Variants in SEMA6D observed in about 807,000 individuals in gnomAD.
SEMA6D encodes semaphorin 6D.
In SEMA6D, 35 loss-of-function variants were observed where a neutral mutation model predicts 106.6. The observed-to-expected ratio is 0.33, with a 90% CI of 0.25 to 0.44. SEMA6D has a LOEUF of 0.44. SEMA6D is among the 20% of genes least tolerant of loss of function. The pLI is 1.00. For missense variants in SEMA6D, 1,185 were observed against 1,345.9 expected, an observed-to-expected ratio of 0.88 and a Z score of 1.87; for synonymous variants, 499 against 487.7, an observed-to-expected ratio of 1.02 and a Z score of -0.31.
At chr15:47,604,651 CT>C (rs1284079881) in intron 4 of SEMA6D, among the ~76,000 whole-genome samples, 2 of 152,108 alleles carry the variant, frequency 1.3e-5, no homozygotes, top group Admixed American at 6.5e-5. Context: ...GATTCTTTCT[CT>C]TTTAAAACTC....
intron 18 of SEMA6D, 65 bp downstream of exon 18, chr15:47,768,813 A>C (rs1266284710): frequency 1.3e-6 from 2 of 1,481,550 alleles, no homozygotes; most frequent in Middle Eastern, 3.6e-4. Flanking sequence ...GTCACTGAGG[A>C]GTATGTGGTT....
chr15:47,503,933 C>A (rs760894398), intron 3 of SEMA6D, among the ~76,000 whole-genome samples: 5 of 152,150 alleles, frequency 3.3e-5, no homozygotes, highest in Non-Finnish European at 5.9e-5. Flanking sequence ...ATCCCACTCC[C>A]CTGACTAAGA....
intron 1 of SEMA6D, among the ~76,000 whole-genome samples, chr15:47,743,721 A>C (rs1243848553): frequency 6.6e-6 from 1 of 152,154 alleles, no homozygotes; most frequent in African/African-American, 2.4e-5. Context: ...CAGCACATCC[A>C]AAGGCAGAAA....
chr15:47,200,083 A>G (rs961919054), intron 1 of SEMA6D, among the ~76,000 whole-genome samples: 1 of 152,166 alleles, frequency 6.6e-6, no homozygotes, highest in African/African-American at 2.4e-5. Flanking sequence ...TATATACTCC[A>G]TATCACTACG....
chr15:47,411,172 T>C lies in SEMA6D; in HGVS notation c.-238-1221T>C, dbSNP rs577238493. ...GTGCAGTGGCACAGTCTCGGCTCAC[T>C]GCAACCTCGGTTTCCTGGGTTCAAG... On this transcript the variant is annotated intron_variant, in intron 1 of 19. Transcript: ENST00000558014. Among the ~76,000 whole-genome samples, 3 of 152,256 alleles carry C rather than the reference T, an allele frequency of 2.0e-5. No homozygotes were observed. The East Asian group carries it at 5.8e-4, about 29-fold the overall frequency.
intron 4 of SEMA6D, among the ~76,000 whole-genome samples, chr15:47,658,941 A>C (rs1430066846): frequency 6.6e-6 from 1 of 152,142 alleles, no homozygotes; most frequent in Non-Finnish European, 1.5e-5. Flanking sequence ...AATGGTAAAG[A>C]ATGTGCTTAA....
chr15:47,562,858 T>C (rs1238998090), intron 3 of SEMA6D, among the ~76,000 whole-genome samples: 2 of 152,262 alleles, frequency 1.3e-5, no homozygotes, highest in African/African-American at 4.8e-5. Context: ...TATTAAAACA[T>C]ATATCCAAAC....
At chr15:47,456,506 A>T (rs1205347978) in intron 2 of SEMA6D, among the ~76,000 whole-genome samples, 3 of 152,062 alleles carry the variant, frequency 2.0e-5, no homozygotes, top group Non-Finnish European at 4.4e-5. Context: ...AGCTGCCGCT[A>T]GAATTTCTTT....
chr15:47,704,065 T>C (rs1479319403), intron 4 of SEMA6D, among the ~76,000 whole-genome samples: 3 of 152,216 alleles, frequency 2.0e-5, no homozygotes, highest in Non-Finnish European at 2.9e-5. Flanking sequence ...CTCATTTTGC[T>C]TTTGTTTTTC....
intron 1 of SEMA6D, among the ~76,000 whole-genome samples, chr15:47,208,491 T>C (rs1895260476): frequency 6.6e-6 from 1 of 152,160 alleles, no homozygotes; most frequent in Non-Finnish European, 1.5e-5. Context: ...GTTTTGTGTT[T>C]TCTGTGTTCA....
chr15:47,631,769 A>G (rs1441839815), intron 4 of SEMA6D, among the ~76,000 whole-genome samples: 3 of 152,012 alleles, frequency 2.0e-5, no homozygotes, highest in East Asian at 1.9e-4. Flanking sequence ...CTCCAGAACT[A>G]TAAGAGAATG....
intron 1 of SEMA6D, among the ~76,000 whole-genome samples, chr15:47,344,801 A>G (rs1202227119): frequency 1.3e-5 from 2 of 152,234 alleles, no homozygotes; most frequent in Non-Finnish European, 2.9e-5. Context: ...ATAAATATCT[A>G]TGTAGAAAAT....
At chr15:47,768,231 A>G (rs1406219430) in intron 17 of SEMA6D, among the ~76,000 whole-genome samples, 2 of 152,236 alleles carry the variant, frequency 1.3e-5, no homozygotes, top group Non-Finnish European at 2.9e-5. Flanking sequence ...TGCATAAAAA[A>G]GAAATGAAAT....
At chr15:47,232,526 G>GGTGTGTGTGTGTGTGTGTGTGT (rs60261871) in intron 1 of SEMA6D, among the ~76,000 whole-genome samples, 7 of 148,142 alleles carry the variant, frequency 4.7e-5, no homozygotes, top group African/African-American at 1.5e-4. Flanking sequence ...ATGGGGGGAG[G>GGTGTGTGTGTGTGTGTGTGTGT]GTGTGTGTGT....
chr15:47,198,832 G>A (rs1346274619), intron 1 of SEMA6D, among the ~76,000 whole-genome samples: 5 of 152,156 alleles, frequency 3.3e-5, no homozygotes, highest in African/African-American at 1.2e-4. Flanking sequence ...AAATTATACA[G>A]TGACAGGAGG....
chr15:47,542,435 A>G (rs1202813962), intron 3 of SEMA6D, among the ~76,000 whole-genome samples: 2 of 152,120 alleles, frequency 1.3e-5, no homozygotes, highest in African/African-American at 4.8e-5. Context: ...TCAATTCTAC[A>G]CATGCAGTTC....
chr15:47,274,301 G>A (rs994116722), intron 1 of SEMA6D: 5 of 152,074 alleles, frequency 3.3e-5, no homozygotes, highest in Non-Finnish European at 7.4e-5. Context: ...TTTTTAAAAA[G>A]CCTTGAAAAG....
intron 2 of SEMA6D, among the ~76,000 whole-genome samples, chr15:47,435,187 A>G (rs2041661601): frequency 6.6e-6 from 1 of 152,082 alleles, no homozygotes; most frequent in African/African-American, 2.4e-5. Flanking sequence ...TCTTGAAAGA[A>G]CTTACTTGAA....
At chr15:47,268,574 G>A (rs1418569503) in intron 1 of SEMA6D, among the ~76,000 whole-genome samples, 3 of 152,096 alleles carry the variant, frequency 2.0e-5, no homozygotes, top group African/African-American at 7.2e-5. Flanking sequence ...ACCAGCCAAG[G>A]ATGCATCCCA....
Sources: allele counts gnomAD v4.1 joint callset (sites outside exome capture counted in the v4.1 genomes callset), GRCh38; gene constraint gnomAD v4.1.1; transcripts MANE v1.5; gene names NCBI Gene and HGNC (gene_info 2026-07-23, HGNC 2026-07-21).